Variants in TTLL5 observed in about 807,000 individuals in gnomAD.
TTLL5 encodes the protein tubulin tyrosine ligase like 5, also known as tubulin polyglutamylase TTLL5.
TTLL5 carries 132 observed loss-of-function variants against 168.4 expected under a neutral mutation model. That is an observed-to-expected ratio of 0.78 (90% confidence interval 0.68 to 0.91). The LOEUF is 0.91. TTLL5 is among the 40% of genes least tolerant of loss of function. The probability of loss-of-function intolerance (pLI) is 0.00; values close to 1 mark genes in which losing one functional copy is unlikely to be tolerated. For synonymous variants in TTLL5, 546 were observed against 558.6 expected (o/e 0.98, Z 0.32); for missense variants, 1,545 against 1,581.5 (o/e 0.98, Z 0.39).
intron 21 of TTLL5, among the ~76,000 whole-genome samples, chr14:75,773,927 T>TATATAGAGAGAGAGAGAG (rs1354936334): frequency 1.9e-4 from 4 of 21,124 alleles, no homozygotes; most frequent in Non-Finnish European, 2.8e-4. Context: ...TATATATATA[T>TATATAGAGAGAGAGAGAG]AGAGAGAGAG....
At chr14:75,929,775 G>A (rs979796256) in intron 31 of TTLL5, among the ~76,000 whole-genome samples, 6 of 152,046 alleles carry the variant, frequency 3.9e-5, no homozygotes, top group African/African-American at 1.2e-4. Context: ...TTTTCACTCA[G>A]CATTTCTTAA....
intron 31 of TTLL5, among the ~76,000 whole-genome samples, chr14:75,923,449 G>C (rs922899182): frequency 2.2e-4 from 33 of 152,118 alleles, no homozygotes; most frequent in Non-Finnish European, 2.9e-5. Context: ...CTTTATTTCT[G>C]CCTTCATTTT....
intron 12 of TTLL5, among the ~76,000 whole-genome samples, chr14:75,728,029 C>T (rs1888294458): frequency 6.6e-6 from 1 of 152,014 alleles, no homozygotes; most frequent in African/African-American, 2.4e-5. Flanking sequence ...AATTATACCT[C>T]AAAAGGGAAT....
intron 27 of TTLL5, among the ~76,000 whole-genome samples, chr14:75,804,603 A>C (rs575184636): frequency 6.6e-6 from 1 of 152,210 alleles, no homozygotes; most frequent in African/African-American, 2.4e-5. Flanking sequence ...TGTTAACCCT[A>C]GTTCCTTTAG....
intron 15 of TTLL5, among the ~76,000 whole-genome samples, chr14:75,744,056 G>A (rs903793287): frequency 6.6e-6 from 1 of 152,166 alleles, no homozygotes; most frequent in African/African-American, 2.4e-5. Context: ...AACAACGGGT[G>A]TTGCTAAAAA....
chr14:75,693,811 A>G lies in TTLL5; in HGVS notation c.502+3489A>G, dbSNP rs531034022. The stretch of plus-strand genomic sequence containing the variant: ...AGGGAGATTGAGAAGTGATTCTAAC[A>G]TGTGAATTTTCATGTCCGCCAACTA... On this transcript the variant is annotated intron_variant, in intron 6 of 31. Transcript: ENST00000298832. Among the ~76,000 whole-genome samples the G allele has an allele frequency of 2.4e-4, 37 of 152,352 alleles. No homozygotes were observed. In the South Asian group the frequency reaches 7.7e-3, roughly 32 times the overall value.
chr14:75,898,729 G>A (rs1467711953), intron 30 of TTLL5, among the ~76,000 whole-genome samples: 1 of 152,114 alleles, frequency 6.6e-6, no homozygotes, highest in East Asian at 1.9e-4. Context: ...ACTTCATTTG[G>A]TGCACAGTTG....
chr14:75,730,107 T>G (rs1202297727), intron 12 of TTLL5, among the ~76,000 whole-genome samples: 1 of 152,254 alleles, frequency 6.6e-6, no homozygotes, highest in African/African-American at 2.4e-5. Context: ...TTGAATCCTG[T>G]GCTTCAGCTT....
At chr14:75,854,604 G>T (rs774600615) in intron 28 of TTLL5, among the ~76,000 whole-genome samples, 4 of 152,094 alleles carry the variant, frequency 2.6e-5, no homozygotes, top group Non-Finnish European at 4.4e-5. Flanking sequence ...TTTCTGAAAC[G>T]ATTGCATCAT....
Position 75,955,062 on chromosome 14 carries a change from A to C in TTLL5, c.*616A>C, listed in dbSNP as rs1354335806. 1 of 152,202 alleles carries C rather than the reference A, an allele frequency of 6.6e-6. No individual in the cohort carries two copies. The highest frequency in any genetic ancestry group is 1.5e-5 in the Non-Finnish European group (1 of 68,050). 9.4% of individuals were successfully genotyped at this position (152,202 alleles called of 1,614,324 possible). On this transcript the variant is annotated 3_prime_UTR_variant, in exon 32 of 32. Transcript: ENST00000298832. ...GGAATTACTGATTTCAAAGATTAAT[A>C]AAGTAATTCTATTTTTATTTTCTTT...
intron 28 of TTLL5, among the ~76,000 whole-genome samples, chr14:75,861,858 G>A (rs1456117306): frequency 2.0e-5 from 3 of 152,136 alleles, no homozygotes; most frequent in Admixed American, 2.0e-4. Flanking sequence ...AATATATTTA[G>A]CATAAAATTT....
chr14:75,720,534 A>G lies in TTLL5; in HGVS notation c.935-62A>G, dbSNP rs187461587. On this transcript the variant is annotated intron_variant, in intron 11 of 31. Coordinates refer to ENST00000298832, the MANE Select transcript of TTLL5 (RefSeq NM_015072.5). ...TTTTATAGTTATATTGTTATCTGGAATCCAGTTCATAATCCATGTATTTTG... is the reference window on the plus strand; with the variant it reads ...TTTTATAGTTATATTGTTATCTGGAGTCCAGTTCATAATCCATGTATTTTG... 5.2e-4 allele frequency: 630 copies of G among 1,210,740 alleles called. 2 individuals carry two copies. Among genetic ancestry groups the G allele is most frequent in the Admixed American group, 1.1e-3 (62 of 57,994 alleles). 75.0% of individuals were successfully genotyped at this position (1,210,740 alleles called of 1,614,324 possible).
rs1889200729 is a variant in TTLL5, at chr14:75,740,617, C to T, written c.1282-4478C>T. Among the ~76,000 whole-genome samples the T allele has an allele frequency of 2.0e-5, 3 of 152,270 alleles. 1 individual carries two copies. The highest frequency in any genetic ancestry group is 7.2e-5 in the African/African-American group (3 of 41,564). ...CACAAGCCTACTTGCTTTCTCCCCT[C>T]CACCTGCCAATTTCAAAGTATACCC... On this transcript the variant is annotated intron_variant, in intron 15 of 31. Coordinates refer to ENST00000298832, the MANE Select transcript of TTLL5 (RefSeq NM_015072.5).
At chr14:75,879,813 A>G (rs909718088) in intron 29 of TTLL5, among the ~76,000 whole-genome samples, 61 of 152,292 alleles carry the variant, frequency 4.0e-4, no homozygotes, top group African/African-American at 1.3e-3. Context: ...TTGAACAGTT[A>G]ATTCCTTCTT....
intron 24 of TTLL5, among the ~76,000 whole-genome samples, chr14:75,780,758 C>G (rs955711601): frequency 1.3e-5 from 2 of 152,178 alleles, no homozygotes; most frequent in Admixed American, 1.3e-4. Flanking sequence ...CCACATAAGC[C>G]TGTTTAACTC....
At chr14:75,790,932 TAAAA>T (rs778260505) in intron 26 of TTLL5, among the ~76,000 whole-genome samples, 1 of 97,366 alleles carries the variant, frequency 1.0e-5, no homozygotes, top group Non-Finnish European at 2.2e-5. Flanking sequence ...CCATCTCTAC[TAAAA>T]AAAAAAAAAA....
At chr14:75,848,524 C>T (rs962709451) in intron 28 of TTLL5, among the ~76,000 whole-genome samples, 5 of 152,200 alleles carry the variant, frequency 3.3e-5, no homozygotes, top group African/African-American at 4.8e-5. Flanking sequence ...CCTGCTGAGC[C>T]GGACTCAGTC....
intron 15 of TTLL5, chr14:75,737,670 T>C (rs1888994102): frequency 4.7e-6 from 7 of 1,484,426 alleles, no homozygotes; most frequent in Middle Eastern, 3.4e-4. Flanking sequence ...ATGGAAAGTT[T>C]TTTAGCTTTA....
intron 12 of TTLL5, among the ~76,000 whole-genome samples, chr14:75,726,740 G>A (rs1888207794): frequency 2.0e-5 from 3 of 152,182 alleles, no homozygotes; most frequent in Admixed American, 1.3e-4. Context: ...TGGGGGAATA[G>A]AAGATAGGGT....
Sources: allele counts gnomAD v4.1 joint callset (sites outside exome capture counted in the v4.1 genomes callset), GRCh38; gene constraint gnomAD v4.1.1; transcripts MANE v1.5; gene names NCBI Gene and HGNC (gene_info 2026-07-23, HGNC 2026-07-21).